The following TTC39C variants were observed in gnomAD, a reference collection of about 807,000 sequenced individuals.
TTC39C encodes tetratricopeptide repeat domain 39C, also known as tetratricopeptide repeat protein 39C.
A neutral mutation model predicts 76.3 loss-of-function variants in TTC39C; 33 were observed. The observed-to-expected ratio is 0.43, with a 90% CI of 0.33 to 0.58. TTC39C has a LOEUF of 0.58. Ranked by LOEUF, TTC39C falls within the 20% of genes least tolerant of loss-of-function variation. TTC39C has a pLI of 0.04. For synonymous variants in TTC39C, 254 were observed against 260.6 expected (o/e 0.97, Z 0.24); for missense variants, 595 against 701.4 (o/e 0.85, Z 1.71).
chr18:24,018,383 C>CCA (rs10631202), intron 1 of TTC39C, among the ~76,000 whole-genome samples: 93,154 of 151,400 alleles, frequency 0.62, 31,029 homozygotes, highest in Non-Finnish European at 0.77. Flanking sequence ...CGCTCCCCCT[C>CCA]CACACACACA....
chr18:24,047,042 A>G (rs2083893534), intron 1 of TTC39C, among the ~76,000 whole-genome samples: 1 of 151,842 alleles, frequency 6.6e-6, no homozygotes, highest in African/African-American at 2.4e-5. Context: ...TCAGAACTTT[A>G]GTACAGTTTG....
chr18:24,060,237 GT>G (rs1274238089), intron 1 of TTC39C, among the ~76,000 whole-genome samples: 1 of 149,106 alleles, frequency 6.7e-6, no homozygotes, highest in African/African-American at 2.5e-5. Flanking sequence ...AGCATCTGTT[GT>G]TTTTTGACTT....
chr18:24,063,928 C>A (rs2084133524), intron 1 of TTC39C, among the ~76,000 whole-genome samples: 2 of 152,192 alleles, frequency 1.3e-5, no homozygotes, highest in Non-Finnish European at 2.9e-5. Context: ...TTTGAAGAAT[C>A]AGAGGCAAAT....
At chr18:24,046,177 A>G in intron 1 of TTC39C, among the ~76,000 whole-genome samples, 1 of 151,756 alleles carries the variant, frequency 6.6e-6, no homozygotes, top group South Asian at 2.1e-4. Flanking sequence ...TGACCTCGTG[A>G]TCCACCTGCC....
intron 1 of TTC39C, among the ~76,000 whole-genome samples, chr18:24,043,806 T>A (rs773602101): frequency 6.6e-6 from 1 of 152,214 alleles, no homozygotes; most frequent in Non-Finnish European, 1.5e-5. Context: ...GTTCTTGGGA[T>A]GGAGAAAATC....
At chr18:24,105,520 A>G (rs2084735713) in intron 6 of TTC39C, among the ~76,000 whole-genome samples, 1 of 152,202 alleles carries the variant, frequency 6.6e-6, no homozygotes, top group South Asian at 2.1e-4. Context: ...GCACATACAC[A>G]TACATGCACA....
At chr18:24,064,915 T>C (rs7236619) in intron 2 of TTC39C, among the ~76,000 whole-genome samples, 40,367 of 152,122 alleles carry the variant, frequency 0.27, 5,531 homozygotes, top group Middle Eastern at 0.41. Flanking sequence ...TCAAGGTATT[T>C]ATTTCCTCTT....
intron 5 of TTC39C, 65 bp from the exon 6 acceptor site, chr18:24,082,848 T>G: frequency 6.7e-7 from 1 of 1,497,214 alleles, no homozygotes; most frequent in Non-Finnish European, 9.0e-7. Context: ...ATACTGGAGT[T>G]TTGAAAAATG....
At chr18:24,032,873 T>C (rs2083687725) in intron 1 of TTC39C, among the ~76,000 whole-genome samples, 1 of 152,268 alleles carries the variant, frequency 6.6e-6, no homozygotes, top group Admixed American at 6.5e-5. Context: ...CAGGGGTTTG[T>C]AGAAAAACAG....
intron 7 of TTC39C, among the ~76,000 whole-genome samples, chr18:24,116,281 G>A (rs1307929544): frequency 1.3e-5 from 2 of 152,206 alleles, no homozygotes; most frequent in Admixed American, 6.5e-5. Flanking sequence ...GGTGGCCCAC[G>A]CCTGTAATCC....
intron 1 of TTC39C, among the ~76,000 whole-genome samples, chr18:24,040,130 A>G (rs963362699): frequency 2.0e-5 from 3 of 152,242 alleles, no homozygotes; most frequent in African/African-American, 7.2e-5. Flanking sequence ...GATTGGGACC[A>G]CTAGTGATGA....
chr18:24,114,469 A>G, intron 6 of TTC39C, 85 bp from the exon 7 acceptor site: 1 of 1,043,278 alleles, frequency 9.6e-7, no homozygotes, highest in East Asian at 2.4e-5. Flanking sequence ...AATAACTATG[A>G]AGGAAAAAGA....
rs761415787 is a variant in TTC39C at position 24,130,384 on chromosome 18, T to C, written c.1590T>C (p.Tyr530=). Residue 530 remains tyrosine, a synonymous_variant, in exon 12 of 14, where the codon TAT becomes TAC. Coordinates refer to ENST00000317571, the MANE Select transcript of TTC39C (RefSeq NM_001135993.2). ...NNLYVQPYAC[Y]ELGCLLLDKP... is the part of the protein sequence containing the mutation. ...TATATGTTCAGCCGTATGCCTGTTA[T>C]GAACTTGGCTGTCTTCTATTAGACA... is the stretch of plus-strand genomic sequence containing the variant. 13 of 1,580,338 alleles carry C rather than the reference T, an allele frequency of 8.2e-6. No individual in the cohort carries two copies. The highest frequency in any genetic ancestry group is 2.7e-5 in the African/African-American group (2 of 73,344).
In TTC39C at chr18:24,125,473, T is replaced by TG; in HGVS notation, c.1345dup (p.Ala449GlyfsTer4). The TG allele has an allele frequency of 6.2e-7, 1 of 1,614,210 alleles. No homozygotes were observed. ...ACCCCAACCAAAGCGCTCTGTGTGT[T>TG]GGCGTCTATTGAAGTGTTGTACTTG... On this transcript the variant is annotated frameshift_variant, in exon 10 of 14. Coordinates refer to ENST00000317571, the MANE Select transcript of TTC39C (RefSeq NM_001135993.2). LOFTEE classifies it high-confidence loss of function.
upstream of TTC39C, among the ~76,000 whole-genome samples, chr18:24,013,281 T>A (rs2083408059): frequency 6.6e-6 from 1 of 152,344 alleles, no homozygotes; most frequent in Middle Eastern, 3.4e-3. Flanking sequence ...TGGTTCCAGA[T>A]GTACTCAAGA....
At chr18:24,024,308 G>T (rs985307417) in intron 1 of TTC39C, among the ~76,000 whole-genome samples, 4 of 151,624 alleles carry the variant, frequency 2.6e-5, no homozygotes, top group Non-Finnish European at 5.9e-5. Context: ...ACCGCGCCTG[G>T]CCTACATATA....
At chr18:24,078,564 C>T (rs571984860) in intron 4 of TTC39C, among the ~76,000 whole-genome samples, 8 of 152,310 alleles carry the variant, frequency 5.3e-5, no homozygotes, top group South Asian at 2.1e-4. Context: ...CATGGGGTGG[C>T]GGAGTCCAGG....
chr18:24,045,906 TATATATATATATATATATATA>T (rs1461943881), intron 1 of TTC39C, among the ~76,000 whole-genome samples: 1 of 40,286 alleles, frequency 2.5e-5, no homozygotes, highest in Non-Finnish European at 4.0e-5. Flanking sequence ...TATATATATA[TATATATATATATATATATATA>T]TTTTTTTTTT....
chr18:24,057,346 T>G (rs2084028943), intron 1 of TTC39C, among the ~76,000 whole-genome samples: 1 of 152,222 alleles, frequency 6.6e-6, no homozygotes, highest in African/African-American at 2.4e-5. Flanking sequence ...ATTTTTCTCT[T>G]TGTCATAAGG....
Sources: gnomAD v4.1 joint callset for allele counts (sites outside exome capture counted in the v4.1 genomes callset) on GRCh38, gnomAD v4.1.1 for gene constraint, MANE v1.5 for transcripts, NCBI Gene and HGNC (gene_info 2026-07-23, HGNC 2026-07-21) for gene names.